ARHGAP26: variants seen among roughly 807,000 people sequenced by gnomAD.
ARHGAP26 encodes the protein rho GTPase-activating protein 26.
ARHGAP26 carries 38 observed loss-of-function variants against 104.8 expected under a neutral mutation model. The observed-to-expected ratio is 0.36, with a 90% CI of 0.28 to 0.48. The LOEUF is 0.48. ARHGAP26 is among the 20% of genes least tolerant of loss of function. ARHGAP26 has a pLI of 0.99. For missense variants in ARHGAP26, 704 were observed against 947.9 expected, an observed-to-expected ratio of 0.74 and a Z score of 3.38; for synonymous variants, 341 against 340.0, an observed-to-expected ratio of 1.00 and a Z score of -0.03.
intron 10 of ARHGAP26, among the ~76,000 whole-genome samples, chr5:142,924,829 GA>G (rs1176759229): frequency 6.6e-6 from 1 of 152,214 alleles, no homozygotes; most frequent in Non-Finnish European, 1.5e-5. Flanking sequence ...AAGAAAAAGG[GA>G]AGTAGCCCAA....
chr5:143,082,474 T>A (rs1441521207), intron 17 of ARHGAP26, among the ~76,000 whole-genome samples: 1 of 152,252 alleles, frequency 6.6e-6, no homozygotes, highest in Non-Finnish European at 1.5e-5. Context: ...AAACCTGTTA[T>A]ATGTCAGGTG....
At chr5:143,183,073 CAAAAAA>C (rs70991799) in intron 20 of ARHGAP26, among the ~76,000 whole-genome samples, 1 of 89,962 alleles carries the variant, frequency 1.1e-5, no homozygotes, top group African/African-American at 3.8e-5. Flanking sequence ...TGAAAAGTGG[CAAAAAA>C]AAAAAAAAAA....
chr5:142,879,469 C>CTGGATTT, intron 4 of ARHGAP26, 24 bp downstream of exon 4: 1 of 1,602,568 alleles, frequency 6.2e-7, no homozygotes, highest in Non-Finnish European at 8.5e-7. Context: ...AAGCTTTGGT[C>CTGGATTT]TGGATTTTAG....
chr5:142,949,228 GAGAGGAGA>G (rs1767882067), intron 11 of ARHGAP26, among the ~76,000 whole-genome samples: 1 of 75,414 alleles, frequency 1.3e-5, no homozygotes, highest in Non-Finnish European at 2.3e-5. Context: ...AGAGGAGAGA[GAGAGGAGA>G]GAGAGAGAGA....
intron 10 of ARHGAP26, among the ~76,000 whole-genome samples, chr5:142,916,276 A>G (rs1218048037): frequency 6.6e-6 from 1 of 152,220 alleles, no homozygotes; most frequent in Non-Finnish European, 1.5e-5. Context: ...TATCCTTTAT[A>G]CTTAATGCTG....
intron 17 of ARHGAP26, among the ~76,000 whole-genome samples, chr5:143,096,387 G>C (rs1410581369): frequency 6.6e-6 from 1 of 152,184 alleles, no homozygotes; most frequent in African/African-American, 2.4e-5. Context: ...AAATATTACT[G>C]TTTTCCTTAA....
intron 11 of ARHGAP26, among the ~76,000 whole-genome samples, chr5:142,963,759 G>GCAGC (rs1770802931): frequency 6.6e-6 from 1 of 152,056 alleles, no homozygotes. Context: ...TATCTTCTGT[G>GCAGC]CAGCCCACTA....
Position 143,223,156 on chromosome 5 carries a change from C to T in ARHGAP26, c.*710C>T, listed in dbSNP as rs1811403741. 4.3e-6 allele frequency: 1 copy of T among 233,358 alleles called. No homozygotes were observed. The highest frequency in any genetic ancestry group is 2.2e-5 in the African/African-American group (1 of 45,306). The allele number at this position is 233,358 out of a possible 1,614,324, so 14.5% of individuals were successfully genotyped here. A position where few individuals can be genotyped will look rare whatever the true frequency, so the allele number is the denominator to read the frequency against. ...GGGCTGCCATCCATCGCCTAGTAAC[C>T]ACGGCAACCCAACCTACTCTAAAAC... On this transcript the variant is annotated 3_prime_UTR_variant, in exon 23 of 23. Transcript: ENST00000645722.
intron 1 of ARHGAP26, among the ~76,000 whole-genome samples, chr5:142,869,361 G>C (rs747611961): frequency 1.3e-5 from 2 of 150,630 alleles, no homozygotes; most frequent in African/African-American, 2.5e-5. Flanking sequence ...GTGCACACCA[G>C]TACACCCGGC....
chr5:142,920,909 C>A (rs145274308), intron 10 of ARHGAP26, among the ~76,000 whole-genome samples: 1 of 152,280 alleles, frequency 6.6e-6, no homozygotes, highest in Admixed American at 6.5e-5. Context: ...TTACAGGGGA[C>A]GATGGCATGA....
chr5:143,071,300 A>G (rs540033510), intron 17 of ARHGAP26, among the ~76,000 whole-genome samples: 29 of 152,342 alleles, frequency 1.9e-4, no homozygotes, highest in South Asian at 4.1e-4. Flanking sequence ...GGAACAGAAT[A>G]GAGAATCCAT....
rs112891877 is a variant in ARHGAP26, at chr5:142,882,514, G to A, written c.385-2784G>A. 1.6e-3 allele frequency among the ~76,000 whole-genome samples: 240 copies of A among 152,326 alleles called. 1 individual carries two copies. The highest frequency in any genetic ancestry group is 5.6e-3 in the African/African-American group (231 of 41,556). The stretch of plus-strand genomic sequence containing the variant: ...GGTTGCTGTGCTCATGAAGTAGCTG[G>A]GGTGAAAGACATCAGACAAAAAGAT... On this transcript the variant is annotated intron_variant, in intron 4 of 22. Coordinates refer to ENST00000645722, the MANE Select transcript of ARHGAP26 (RefSeq NM_001135608.3).
At chr5:143,103,128 G>A in intron 17 of ARHGAP26, 1 of 398,476 alleles carries the variant, frequency 2.5e-6, no homozygotes, top group South Asian at 1.0e-4. Context: ...TAGAACTAAG[G>A]TGCCATCCTT....
At chr5:143,078,223 T>A (rs1456014877) in intron 17 of ARHGAP26, among the ~76,000 whole-genome samples, 2 of 152,072 alleles carry the variant, frequency 1.3e-5, no homozygotes, top group East Asian at 3.8e-4. Context: ...GACACCAAAA[T>A]GATGTGTTAG....
intron 11 of ARHGAP26, among the ~76,000 whole-genome samples, chr5:142,944,587 C>T (rs1766833080): frequency 6.6e-6 from 1 of 152,146 alleles, no homozygotes; most frequent in African/African-American, 2.4e-5. Flanking sequence ...TGTGTATCAA[C>T]CTGAGAGTGG....
At chr5:143,016,069 G>A (rs1443449448) in intron 12 of ARHGAP26, among the ~76,000 whole-genome samples, 1 of 152,110 alleles carries the variant, frequency 6.6e-6, no homozygotes, top group Non-Finnish European at 1.5e-5. Flanking sequence ...TACCAAATAG[G>A]GAGTTGGCTA....
At chr5:143,123,414 G>A (rs760106466) in intron 18 of ARHGAP26, among the ~76,000 whole-genome samples, 1 of 152,216 alleles carries the variant, frequency 6.6e-6, no homozygotes, top group Non-Finnish European at 1.5e-5. Context: ...GCAATTCTAA[G>A]CATCCGTGGC....
intron 22 of ARHGAP26, among the ~76,000 whole-genome samples, chr5:143,215,902 A>C (rs1231065949): frequency 6.6e-6 from 1 of 152,152 alleles, no homozygotes; most frequent in Admixed American, 6.5e-5. Flanking sequence ...TGCTTGAATA[A>C]TGCTGCTGTG....
At chr5:143,202,621 C>A (rs1807937748) in intron 20 of ARHGAP26, 1 of 152,156 alleles carries the variant, frequency 6.6e-6, no homozygotes, top group African/African-American at 2.4e-5. Context: ...ATAGCCAAGA[C>A]AATCCTAAGC....
Sources: allele counts gnomAD v4.1 joint callset (sites outside exome capture counted in the v4.1 genomes callset), GRCh38; gene constraint gnomAD v4.1.1; transcripts MANE v1.5; gene names NCBI Gene and HGNC (gene_info 2026-07-23, HGNC 2026-07-21).